The following CYP7B1 variants were observed in gnomAD, a reference collection of about 807,000 sequenced individuals.
CYP7B1 encodes cytochrome P450 7B1.
In CYP7B1, 29 loss-of-function variants were observed where a neutral mutation model predicts 42.7. The observed-to-expected ratio is 0.68, with a 90% CI of 0.51 to 0.93. CYP7B1 has a LOEUF of 0.93. CYP7B1 is among the 40% of genes least tolerant of loss of function. The pLI is 0.00. For synonymous variants in CYP7B1, 235 were observed against 218.2 expected (o/e 1.08, Z -0.68); for missense variants, 655 against 600.5 (o/e 1.09, Z -0.95).
At chr8:64,764,610 C>A (rs887372911) in intron 1 of CYP7B1, among the ~76,000 whole-genome samples, 1 of 152,134 alleles carries the variant, frequency 6.6e-6, no homozygotes, top group African/African-American at 2.4e-5. Context: ...ACTGAGACAA[C>A]CCGTAGCCTT....
chr8:64,754,774 G>A (rs768181285), intron 1 of CYP7B1, among the ~76,000 whole-genome samples: 2 of 152,182 alleles, frequency 1.3e-5, no homozygotes, highest in Non-Finnish European at 2.9e-5. Flanking sequence ...AAGCAGAGGA[G>A]TGATATGTTG....
downstream of CYP7B1, among the ~76,000 whole-genome samples, chr8:64,587,217 G>A (rs950492599): frequency 6.6e-6 from 1 of 152,110 alleles, no homozygotes; most frequent in African/African-American, 2.4e-5. Context: ...CGCGCCCACC[G>A]CGCTGTTTTT....
intron 1 of CYP7B1, among the ~76,000 whole-genome samples, chr8:64,648,172 G>A (rs957531676): frequency 1.3e-5 from 2 of 152,182 alleles, no homozygotes; most frequent in Non-Finnish European, 2.9e-5. Flanking sequence ...GTACACTGTG[G>A]TGACTGTAGT....
intron 1 of CYP7B1, among the ~76,000 whole-genome samples, chr8:64,664,889 C>G (rs1394386010): frequency 6.6e-6 from 1 of 152,040 alleles, no homozygotes; most frequent in Non-Finnish European, 1.5e-5. Flanking sequence ...ATTAGTTTGT[C>G]CAAAAGAACC....
At chr8:64,690,597 C>T (rs1004787799) in intron 1 of CYP7B1, among the ~76,000 whole-genome samples, 5 of 152,062 alleles carry the variant, frequency 3.3e-5, no homozygotes, top group African/African-American at 1.2e-4. Context: ...ACAACAAAAA[C>T]TTATGTATTA....
chr8:64,628,574 G>A (rs753387021), intron 1 of CYP7B1, among the ~76,000 whole-genome samples: 1 of 152,030 alleles, frequency 6.6e-6, no homozygotes, highest in Non-Finnish European at 1.5e-5. Flanking sequence ...CTTAAACCCA[G>A]GAGGCAGAGG....
chr8:64,726,676 C>T (rs1317933755), intron 1 of CYP7B1, among the ~76,000 whole-genome samples: 9 of 152,190 alleles, frequency 5.9e-5, no homozygotes, highest in African/African-American at 2.2e-4. Context: ...ATGTGAGAAG[C>T]TTGTGTGGCC....
At chr8:64,697,307 A>G (rs1381161287) in intron 1 of CYP7B1, among the ~76,000 whole-genome samples, 1 of 152,190 alleles carries the variant, frequency 6.6e-6, no homozygotes. Flanking sequence ...ACTCACATAT[A>G]AATACAGTAA....
chr8:64,615,565 A>G, intron 3 of CYP7B1, 126 bp downstream of exon 3: 1 of 959,582 alleles, frequency 1.0e-6, no homozygotes, highest in Non-Finnish European at 1.6e-6. Flanking sequence ...TCAGAGTAAA[A>G]CATTTTATCA....
At chr8:64,600,559 T>C (rs917656002) in intron 5 of CYP7B1, among the ~76,000 whole-genome samples, 30 of 152,186 alleles carry the variant, frequency 2.0e-4, no homozygotes, top group Non-Finnish European at 3.5e-4. Context: ...CTGTTGCCCC[T>C]TAGCAAGATG....
intron 1 of CYP7B1, among the ~76,000 whole-genome samples, chr8:64,786,286 G>A (rs1327791194): frequency 2.6e-5 from 4 of 152,114 alleles, no homozygotes; most frequent in Non-Finnish European, 5.9e-5. Flanking sequence ...TCTCATCTGA[G>A]ACAAGGCAAG....
At chr8:64,767,352 C>T (rs1427298347) in intron 1 of CYP7B1, among the ~76,000 whole-genome samples, 2 of 152,140 alleles carry the variant, frequency 1.3e-5, no homozygotes, top group Non-Finnish European at 2.9e-5. Context: ...AAGGGAACTG[C>T]CAAGCGGATA....
At chr8:64,651,869 T>C (rs953410454) in intron 1 of CYP7B1, among the ~76,000 whole-genome samples, 5 of 152,350 alleles carry the variant, frequency 3.3e-5, no homozygotes, top group Admixed American at 1.3e-4. Flanking sequence ...TATGCTGTTA[T>C]AATAGCCTGA....
chr8:64,771,410 G>C (rs1239069820), intron 1 of CYP7B1, among the ~76,000 whole-genome samples: 1 of 151,726 alleles, frequency 6.6e-6, no homozygotes, highest in African/African-American at 2.4e-5. Flanking sequence ...GATACACTGT[G>C]AACATTGAGT....
intron 1 of CYP7B1, among the ~76,000 whole-genome samples, chr8:64,631,203 T>C (rs1805690261): frequency 6.6e-6 from 1 of 152,064 alleles, no homozygotes; most frequent in African/African-American, 2.4e-5. Context: ...AAAATAATTA[T>C]CAATTGAATC....
In CYP7B1 at chr8:64,591,235, T is replaced by C. The variant is rs1585792217; in HGVS notation, c.*5407A>G. ...ATAAACAAATGAAGTAGAGTAATAA[T>C]TACTTTAGATAAATACTAAAGAGTT... On this transcript the variant is annotated 3_prime_UTR_variant, in exon 6 of 6. Transcript: ENST00000310193. Among the ~76,000 whole-genome samples, 1 of 152,262 alleles carries C rather than the reference T, an allele frequency of 6.6e-6. No individual in the cohort carries two copies. The highest frequency in any genetic ancestry group is 1.9e-4 in the East Asian group (1 of 5,180).
At chr8:64,679,552 AT>A (rs749446694) in intron 1 of CYP7B1, among the ~76,000 whole-genome samples, 5 of 152,222 alleles carry the variant, frequency 3.3e-5, no homozygotes. Flanking sequence ...GTTTTCCAAC[AT>A]TTTTTTCTTG....
intron 1 of CYP7B1, among the ~76,000 whole-genome samples, chr8:64,693,452 C>T (rs774294868): frequency 3.3e-5 from 5 of 152,222 alleles, no homozygotes; most frequent in Non-Finnish European, 5.9e-5. Flanking sequence ...CAGCATAGCT[C>T]AGTACCATAC....
rs117809758 is a variant in CYP7B1, at chr8:64,768,448, T to C, written c.122+30018A>G. 5.3e-3 allele frequency among the ~76,000 whole-genome samples: 806 copies of C among 152,360 alleles called. 1 individual carries two copies. The highest frequency in any genetic ancestry group is 9.2e-3 in the Non-Finnish European group (625 of 68,030). ...ATGCATTTTCAATATTTAGTTTGTTTAAAAAATTGATGTTTTAAGTCTTTT... is the reference window on the plus strand; with the variant it reads ...ATGCATTTTCAATATTTAGTTTGTTCAAAAAATTGATGTTTTAAGTCTTTT... On this transcript the variant is annotated intron_variant, in intron 1 of 5. Transcript: ENST00000310193.
Sources: allele counts gnomAD v4.1 joint callset (sites outside exome capture counted in the v4.1 genomes callset), GRCh38; gene constraint gnomAD v4.1.1; transcripts MANE v1.5; gene names NCBI Gene and HGNC (gene_info 2026-07-23, HGNC 2026-07-21).